CYP3A5: variants seen among roughly 807,000 people sequenced by gnomAD.
CYP3A5 encodes the protein cytochrome P450 family 3 subfamily A member 5, also known as cytochrome P450 3A5.
Under a neutral mutation model 55.9 loss-of-function variants are expected in CYP3A5, and 51 were observed. The ratio of observed to expected loss-of-function variants is 0.91; its 90% confidence interval spans 0.73 to 1.15. CYP3A5 has a LOEUF of 1.15. Among genes scored for constraint, CYP3A5 ranks in the 50% most tolerant of loss-of-function variants. The pLI, the probability that CYP3A5 is intolerant of heterozygous loss-of-function variation, is 0.00. For synonymous variants in CYP3A5, 196 were observed against 213.9 expected, an observed-to-expected ratio of 0.92 and a Z score of 0.73; for missense variants, 533 against 596.6, an observed-to-expected ratio of 0.89 and a Z score of 1.11.
chr7:99,674,373 C>T (rs1202202141), intron 3 of CYP3A5, 160 bp downstream of exon 3: 1 of 527,266 alleles, frequency 1.9e-6, no homozygotes, highest in Admixed American at 3.7e-5. Context: ...CAATATTCTA[C>T]TCCCAAGTAA....
chr7:99,675,262 A>G (rs1003509271), intron 2 of CYP3A5, among the ~76,000 whole-genome samples: 6 of 152,244 alleles, frequency 3.9e-5, no homozygotes, highest in Admixed American at 3.3e-4. Context: ...AAACATAAAA[A>G]CAAACCTTCC....
chr7:99,677,664 A>G (rs769619595), intron 1 of CYP3A5, among the ~76,000 whole-genome samples: 1 of 152,210 alleles, frequency 6.6e-6, no homozygotes, highest in Non-Finnish European at 1.5e-5. Context: ...GGGCAGCATG[A>G]GCAGGCCCAG....
chr7:99,676,446 A>G (rs1584477725), intron 1 of CYP3A5: 7 of 1,454,626 alleles, frequency 4.8e-6, no homozygotes, highest in South Asian at 1.1e-5. Flanking sequence ...CATAGTCCCA[A>G]TCCTGGAGTG....
chr7:99,667,094 A>C, intron 4 of CYP3A5, 29 bp from the exon 5 acceptor site: 5 of 1,590,954 alleles, frequency 3.1e-6, no homozygotes, highest in South Asian at 2.2e-5. Flanking sequence ...ATTTTTTCTC[A>C]CATTAGTTGT....
intron 10 of CYP3A5, among the ~76,000 whole-genome samples, chr7:99,655,343 C>T (rs1025925262): frequency 6.6e-6 from 1 of 152,186 alleles, no homozygotes; most frequent in African/African-American, 2.4e-5. Flanking sequence ...GGAATCCTTT[C>T]CCCACTGCTT....
intron 7 of CYP3A5, among the ~76,000 whole-genome samples, chr7:99,664,728 A>G (rs1045442424): frequency 1.4e-4 from 22 of 152,202 alleles, no homozygotes; most frequent in African/African-American, 5.3e-4. Context: ...AAAGAAGAAA[A>G]TATCTCAAAT....
rs1584468032 is a variant in CYP3A5, at chr7:99,672,789, G to C, written c.219-110C>G. ...TTATGTTATGTAATCCATACCCCTA[G>C]TTGTACGACACACAGCAACCTTAGG... is the stretch of plus-strand genomic sequence containing the variant. On this transcript the variant is annotated intron_variant, in intron 3 of 12. Transcript: ENST00000222982. 3.2e-6 allele frequency: 5 copies of C among 1,556,292 alleles called. No homozygotes were observed. In the East Asian group the frequency reaches 1.1e-4, roughly 35 times the overall value.
At chr7:99,649,791 A>G (rs1278061592) in intron 12 of CYP3A5, among the ~76,000 whole-genome samples, 1 of 152,146 alleles carries the variant, frequency 6.6e-6, no homozygotes, top group Non-Finnish European at 1.5e-5. Flanking sequence ...TGTGCAAAAC[A>G]CTTCTTTCCA....
intron 10 of CYP3A5, among the ~76,000 whole-genome samples, chr7:99,657,104 T>TTA (rs777510781): frequency 1.2e-4 from 18 of 152,316 alleles, no homozygotes; most frequent in Admixed American, 1.3e-4. Context: ...CTGATCTTAG[T>TTA]TATTTCTTGC....
At chr7:99,676,448 C>A in intron 1 of CYP3A5, 1 of 1,453,896 alleles carries the variant, frequency 6.9e-7, no homozygotes, top group South Asian at 1.1e-5. Context: ...TAGTCCCAAT[C>A]CTGGAGTGAA....
At chr7:99,660,214 C>CTTTTTTTTTTTTTTTTTTTT (rs34318418) in intron 10 of CYP3A5, 2 of 424,270 alleles carry the variant, frequency 4.7e-6, no homozygotes, top group Admixed American at 1.2e-4. Context: ...CGCCACACTC[C>CTTTTTTTTTTTTTTTTTTTT]TTTTTTTTTT....
At position 99,650,209 on chromosome 7, in the gene CYP3A5, A is replaced by G. The variant is rs1809036189; in HGVS notation, c.1277T>C (p.Ile426Thr). 5 of 1,613,906 alleles carry G rather than the reference A, an allele frequency of 3.1e-6. No homozygotes were observed. The highest frequency in any genetic ancestry group is 2.2e-5 in the East Asian group (1 of 44,866). Residue 426 changes from isoleucine (I) to threonine (T), a missense_variant, in exon 12 of 13, where the codon ATA (isoleucine) becomes ACA (threonine). Ile to Thr is a moderately conservative substitution (Grantham distance 89). Transcript: ENST00000222982. The part of the protein sequence containing the change: ...PERFSKKKDS[I>T]DPYIYTPFGT... ...AAAGGGTGTGTATATGTAAGGATCT[A>G]TGCTGTCCTTCTTCTTACTGAACCT...
intron 10 of CYP3A5, chr7:99,659,533 TGAG>T (rs556663865): frequency 0.029 from 4,457 of 154,888 alleles, 207 homozygotes; most frequent in African/African-American, 0.1. Context: ...GGGACCCACT[TGAG>T]GAGGCAGTCT....
chr7:99,660,452 G>T (rs1471525797), intron 10 of CYP3A5, 47 bp downstream of exon 10: 1 of 1,534,190 alleles, frequency 6.5e-7, no homozygotes. Flanking sequence ...AGGCATTTTT[G>T]CTAAGGCTTC....
chr7:99,669,230 C>G (rs146529051), intron 4 of CYP3A5, among the ~76,000 whole-genome samples: 1 of 152,128 alleles, frequency 6.6e-6, no homozygotes, highest in Admixed American at 6.5e-5. Context: ...TTAATTTCCA[C>G]GGAATTTGTG....
At chr7:99,648,511 G>A (rs1808841712) in intron 12 of CYP3A5, 111 bp from the exon 13 acceptor site, 2 of 719,896 alleles carry the variant, frequency 2.8e-6, no homozygotes, top group African/African-American at 1.8e-5. Context: ...ATATAAAAAC[G>A]ACTCTTAACA....
rs1455123910 is a variant in CYP3A5, at chr7:99,667,527, T to G, written c.319-462A>C. The stretch of plus-strand genomic sequence containing the variant: ...ATGCCATGATGTGGTGATTTTTTTT[T>G]GAAAAGTAGGTAATACTTAAAGACT... On this transcript the variant is annotated intron_variant, in intron 4 of 12. Transcript: ENST00000222982. Among the ~76,000 whole-genome samples, 4 of 152,212 alleles carry G rather than the reference T, an allele frequency of 2.6e-5. No individual in the cohort carries two copies. The East Asian group carries it at 5.8e-4, about 22-fold the overall frequency.
rs571606194 is a variant in CYP3A5 at position 99,669,668 on chromosome 7, A to T, written c.319-2603T>A. On this transcript the variant is annotated intron_variant, in intron 4 of 12. Coordinates refer to ENST00000222982, the MANE Select transcript of CYP3A5 (RefSeq NM_000777.5). ...ATGGATGAAGGCACTGACACTACAG[A>T]TACGGCACAACTTGCTATTTTTATT... is the stretch of plus-strand genomic sequence containing the variant. Among the ~76,000 whole-genome samples the T allele has an allele frequency of 1.6e-4, 25 of 152,350 alleles. No homozygotes were observed. In the South Asian group the frequency reaches 1.9e-3, roughly 11 times the overall value.
rs1033367435 is a variant in CYP3A5, at chr7:99,653,546, G to T, written c.1027-767C>A. On this transcript the variant is annotated intron_variant, in intron 10 of 12. Transcript: ENST00000222982. This position sits in a 1 kb window ranked among gnomAD's most constrained non-coding sequence, Gnocchi z 4.2. ...CGACAAAATAAATTTATGATTGGAT[G>T]CTACCAAGGTACACAATTTGAGTTC... Among the ~76,000 whole-genome samples the T allele has an allele frequency of 6.6e-6, 1 of 152,154 alleles. No individual in the cohort carries two copies. The highest frequency in any genetic ancestry group is 2.4e-5 in the African/African-American group (1 of 41,434).
Sources: gnomAD v4.1 joint callset for allele counts (sites outside exome capture counted in the v4.1 genomes callset) on GRCh38, gnomAD v4.1.1 for gene constraint, Gnocchi (gnomAD v3.1) non-coding constraint, MANE v1.5 for transcripts, NCBI Gene and HGNC (gene_info 2026-07-23, HGNC 2026-07-21) for gene names.